CHCHD3: variants seen among roughly 807,000 people sequenced by gnomAD.
CHCHD3 encodes coiled-coil-helix-coiled-coil-helix domain containing 3, also known as MICOS complex subunit MIC19.
Under a neutral mutation model 38.2 loss-of-function variants are expected in CHCHD3, and 20 were observed. The observed-to-expected ratio is 0.52, with a 90% confidence interval of 0.37 to 0.76. The LOEUF (loss-of-function observed/expected upper bound fraction) is 0.76, where lower values mean the gene tolerates loss of function less well. Among genes scored for constraint, CHCHD3 ranks in the 30% least tolerant of loss-of-function variants. The probability of loss-of-function intolerance (pLI) is 0.00; values close to 1 mark genes in which losing one functional copy is unlikely to be tolerated. For missense variants in CHCHD3, 245 were observed against 279.2 expected (o/e 0.88, Z 0.87); for synonymous variants, 82 against 100.0 (o/e 0.82, Z 1.07).
chr7:133,059,863 C>T (rs7782890), intron 2 of CHCHD3, among the ~76,000 whole-genome samples: 58,640 of 152,004 alleles, frequency 0.39, 11,525 homozygotes, highest in East Asian at 0.55. Context: ...CTTTAGCTCA[C>T]GCATTCCACA....
At chr7:132,965,822 TAC>T (rs1811451297) in intron 4 of CHCHD3, among the ~76,000 whole-genome samples, 1 of 152,258 alleles carries the variant, frequency 6.6e-6, no homozygotes, top group Non-Finnish European at 1.5e-5. Flanking sequence ...GAATTAAATT[TAC>T]AGTCAGTGTT....
chr7:133,027,381 G>GAGAGAGAC (rs1472052506), intron 2 of CHCHD3, among the ~76,000 whole-genome samples: 1 of 129,292 alleles, frequency 7.7e-6, no homozygotes, highest in Non-Finnish European at 1.6e-5. Context: ...GAGAGAGAGA[G>GAGAGAGAC]AGAGAAAGAG....
At chr7:132,879,855 T>C (rs1274628287) in intron 5 of CHCHD3, among the ~76,000 whole-genome samples, 1 of 151,974 alleles carries the variant, frequency 6.6e-6, no homozygotes, top group Admixed American at 6.6e-5. Context: ...TTAAGCTGCT[T>C]TAATGACTAT....
intron 4 of CHCHD3, among the ~76,000 whole-genome samples, chr7:132,891,779 G>A (rs946171920): frequency 6.6e-6 from 1 of 152,152 alleles, no homozygotes; most frequent in South Asian, 2.1e-4. Flanking sequence ...ATGGATAATG[G>A]GGGAGGTTCC....
chr7:132,911,196 AC>A (rs1164459104), intron 4 of CHCHD3, among the ~76,000 whole-genome samples: 4 of 152,196 alleles, frequency 2.6e-5, no homozygotes, highest in Non-Finnish European at 4.4e-5. Flanking sequence ...TAAAGCAAGG[AC>A]AGAGAGCAGC....
At chr7:132,906,618 C>T (rs1371664618) in intron 4 of CHCHD3, among the ~76,000 whole-genome samples, 1 of 152,004 alleles carries the variant, frequency 6.6e-6, no homozygotes, top group African/African-American at 2.4e-5. Context: ...CCAACCCCCG[C>T]CCCAATCTTT....
chr7:132,861,837 G>A (rs1808497500), intron 5 of CHCHD3, among the ~76,000 whole-genome samples: 1 of 152,120 alleles, frequency 6.6e-6, no homozygotes, highest in African/African-American at 2.4e-5. Flanking sequence ...ATTTAAAAAT[G>A]TATAAATTAT....
At chr7:132,967,165 T>C (rs1029843917) in intron 4 of CHCHD3, among the ~76,000 whole-genome samples, 2 of 152,190 alleles carry the variant, frequency 1.3e-5, no homozygotes, top group Non-Finnish European at 2.9e-5. Flanking sequence ...ACTTGATGAA[T>C]TTTCAAAATC....
intron 2 of CHCHD3, among the ~76,000 whole-genome samples, chr7:133,057,138 C>T (rs2117512353): frequency 6.6e-6 from 1 of 152,304 alleles, no homozygotes; most frequent in South Asian, 2.1e-4. Context: ...GTTCAAGTTA[C>T]ACCTATTGAG....
intron 4 of CHCHD3, 105 bp from the exon 5 acceptor site, chr7:132,885,850 T>G: frequency 2.7e-6 from 2 of 732,862 alleles, no homozygotes; most frequent in Non-Finnish European, 4.2e-6. Flanking sequence ...ATCTGAAGAT[T>G]TTTGCAATCT....
At chr7:133,059,506 C>G (rs891147266) in intron 2 of CHCHD3, among the ~76,000 whole-genome samples, 4 of 152,054 alleles carry the variant, frequency 2.6e-5, no homozygotes, top group African/African-American at 9.7e-5. Context: ...CAAAACTTGT[C>G]AAGTCTACAC....
At chr7:132,868,347 GT>G (rs1277983879) in intron 5 of CHCHD3, among the ~76,000 whole-genome samples, 11 of 152,082 alleles carry the variant, frequency 7.2e-5, no homozygotes, top group African/African-American at 2.2e-4. Flanking sequence ...AAAGACTGGA[GT>G]TTTTTGTCAT....
chr7:133,017,270 T>C (rs1813055742), intron 3 of CHCHD3, among the ~76,000 whole-genome samples: 1 of 152,214 alleles, frequency 6.6e-6, no homozygotes, highest in Admixed American at 6.5e-5. Flanking sequence ...AGCAACAGAC[T>C]AGGTAGAGCA....
intron 6 of CHCHD3, among the ~76,000 whole-genome samples, chr7:132,816,202 G>C (rs1422822022): frequency 6.6e-6 from 1 of 152,094 alleles, no homozygotes; most frequent in African/African-American, 2.4e-5. Context: ...GAAAATAATA[G>C]AGATCAGATA....
At chr7:132,864,211 C>T (rs2117137787) in intron 5 of CHCHD3, among the ~76,000 whole-genome samples, 1 of 152,266 alleles carries the variant, frequency 6.6e-6, no homozygotes, top group East Asian at 1.9e-4. Context: ...TTCAATTGAA[C>T]ACTCAGAGGT....
chr7:132,791,932 G>C (rs1806470468), intron 7 of CHCHD3, among the ~76,000 whole-genome samples: 1 of 152,102 alleles, frequency 6.6e-6, no homozygotes, highest in African/African-American at 2.4e-5. Flanking sequence ...AAGCATGTAG[G>C]TCTGAGGTGG....
At position 132,998,844 on chromosome 7, in the gene CHCHD3, G is replaced by A. The variant is rs1336812340; in HGVS notation, c.252-23558C>T. Reference sequence around the variant, plus strand: ...ATCAAATCAATGGGTAATCTGCACAGATTATTGGATTTGTCTCATTTGCAA... The same window carrying A: ...ATCAAATCAATGGGTAATCTGCACAAATTATTGGATTTGTCTCATTTGCAA... On this transcript the variant is annotated intron_variant, in intron 3 of 7. Transcript: ENST00000262570. Among the ~76,000 whole-genome samples the A allele has an allele frequency of 2.0e-5, 3 of 152,272 alleles. No homozygotes were observed. In the East Asian group the frequency reaches 5.8e-4, roughly 29 times the overall value.
At chr7:132,961,457 A>T (rs914230860) in intron 4 of CHCHD3, among the ~76,000 whole-genome samples, 8 of 152,132 alleles carry the variant, frequency 5.3e-5, no homozygotes, top group African/African-American at 1.9e-4. Flanking sequence ...CCCCAGTTTT[A>T]CTGGGGTGTA....
rs568700900 is a variant in CHCHD3, at chr7:132,917,731, C to T, written c.370-31986G>A. Reference sequence around the variant, plus strand: ...AAAATTAGCCGGGTGTGTTGGCGGGCGCCTGTAGTCCCAGTTACTCGGGAG... The same window carrying T: ...AAAATTAGCCGGGTGTGTTGGCGGGTGCCTGTAGTCCCAGTTACTCGGGAG... On this transcript the variant is annotated intron_variant, in intron 4 of 7. Coordinates refer to ENST00000262570, the MANE Select transcript of CHCHD3 (RefSeq NM_017812.4). Among the ~76,000 whole-genome samples the T allele has an allele frequency of 7.9e-4, 120 of 151,756 alleles. 1 individual carries two copies. The highest frequency in any genetic ancestry group is 1.1e-3 in the Non-Finnish European group (74 of 67,930).
Sources: allele counts gnomAD v4.1 joint callset (sites outside exome capture counted in the v4.1 genomes callset), GRCh38; gene constraint gnomAD v4.1.1; transcripts MANE v1.5; gene names NCBI Gene and HGNC (gene_info 2026-07-23, HGNC 2026-07-21).